Variants in ZNF469 observed in about 807,000 individuals in gnomAD.
The protein encoded by ZNF469 is zinc finger protein 469.
ZNF469 carries 1 observed loss-of-function variant against 1.0 expected under a neutral mutation model. The ratio of observed to expected loss-of-function variants is 1.00; its 90% CI spans 0.35 to 4.73. The LOEUF is 4.73. ZNF469 is among the 30% of genes most tolerant of loss of function. ZNF469 has a pLI of 0.16. For synonymous variants in ZNF469, 2,703 were observed against 2,363.4 expected, an observed-to-expected ratio of 1.14 and a Z score of -4.17; for missense variants, 6,100 against 5,356.3, an observed-to-expected ratio of 1.14 and a Z score of -4.33.
At chr16:88,403,940 T>A (rs1247487047) in intron 1 of ZNF469, among the ~76,000 whole-genome samples, 1 of 152,166 alleles carries the variant, frequency 6.6e-6, no homozygotes, top group African/African-American at 2.4e-5. Context: ...AGCTCAGCTC[T>A]GTGGCTTCGG....
chr16:88,208,872 G>C, the ZNF469 span, among the ~76,000 whole-genome samples: 1 of 149,288 alleles, frequency 6.7e-6, no homozygotes, highest in Non-Finnish European at 1.5e-5. Context: ...GATGCCTCCA[G>C]TTCCAACCTG....
chr16:88,192,164 C>G, the ZNF469 span: 1 of 152,184 alleles, frequency 6.6e-6, no homozygotes, highest in Non-Finnish European at 1.5e-5. Flanking sequence ...TTCCAGCCTC[C>G]AGAACTATGA....
the ZNF469 span, among the ~76,000 whole-genome samples, chr16:88,160,108 G>T: frequency 6.6e-6 from 1 of 152,074 alleles, no homozygotes; most frequent in Non-Finnish European, 1.5e-5. Context: ...GCTTTCATCA[G>T]TCCCACAGAA....
chr16:88,245,852 G>A, the ZNF469 span, among the ~76,000 whole-genome samples: 181 of 152,400 alleles, frequency 1.2e-3, 1 homozygote, highest in South Asian at 0.032. Flanking sequence ...GACATTGAGC[G>A]TGCCTGGTGT....
chr16:88,108,366 G>A, the ZNF469 span, among the ~76,000 whole-genome samples: 109 of 152,282 alleles, frequency 7.2e-4, no homozygotes, highest in African/African-American at 2.6e-3. Flanking sequence ...CTGGCTGCTG[G>A]TGCAGCCCAT....
chr16:88,114,562 G>A, the ZNF469 span, among the ~76,000 whole-genome samples: 1 of 152,220 alleles, frequency 6.6e-6, no homozygotes, highest in African/African-American at 2.4e-5. Context: ...GTGCCCAGCT[G>A]ACTTCCCAGG....
chr16:88,115,790 G>GCC, the ZNF469 span, among the ~76,000 whole-genome samples: 1 of 152,092 alleles, frequency 6.6e-6, no homozygotes, highest in African/African-American at 2.4e-5. Context: ...GGTCCTTCTA[G>GCC]CTGTATTCCT....
At chr16:88,164,785 C>A in the ZNF469 span, among the ~76,000 whole-genome samples, 49 of 152,222 alleles carry the variant, frequency 3.2e-4, no homozygotes, top group African/African-American at 1.0e-3. Context: ...AGCAGCTGGG[C>A]CTTGGGTTTC....
chr16:88,413,969 G>A (rs1905241950), intron 1 of ZNF469, among the ~76,000 whole-genome samples: 1 of 152,150 alleles, frequency 6.6e-6, no homozygotes, highest in Admixed American at 6.5e-5. Flanking sequence ...TGAGGAGAAG[G>A]GCCCTGCTGC....
chr16:88,160,177 A>G, the ZNF469 span, among the ~76,000 whole-genome samples: 1 of 152,190 alleles, frequency 6.6e-6, no homozygotes, highest in African/African-American at 2.4e-5. Flanking sequence ...TGCGACAAGG[A>G]AGGAGACTGG....
At chr16:88,409,008 C>G (rs1462095335) in intron 1 of ZNF469, among the ~76,000 whole-genome samples, 1 of 152,214 alleles carries the variant, frequency 6.6e-6, no homozygotes, top group Non-Finnish European at 1.5e-5. Flanking sequence ...GAAGGTCAGC[C>G]CAGCAGGGGG....
At chr16:88,397,990 A>G (rs1904739459) in intron 1 of ZNF469, among the ~76,000 whole-genome samples, 1 of 152,160 alleles carries the variant, frequency 6.6e-6, no homozygotes, top group South Asian at 2.1e-4. Context: ...GGCACAGGAG[A>G]TGGTGCAGGT....
the ZNF469 span, among the ~76,000 whole-genome samples, chr16:88,118,079 A>C: frequency 0.01 from 1,597 of 152,316 alleles, 30 homozygotes; most frequent in African/African-American, 0.035. Flanking sequence ...AGTAGCTGGG[A>C]CTACAGGCTC....
At chr16:88,119,671 T>A in the ZNF469 span, among the ~76,000 whole-genome samples, 1 of 152,046 alleles carries the variant, frequency 6.6e-6, no homozygotes, top group African/African-American at 2.4e-5. Context: ...GCCGTTTGGG[T>A]GGATGCTGGC....
chr16:88,333,040 T>G, the ZNF469 span, among the ~76,000 whole-genome samples: 1 of 152,200 alleles, frequency 6.6e-6, no homozygotes, highest in Non-Finnish European at 1.5e-5. Flanking sequence ...CCGTGGGTCC[T>G]TGTGCTGCTG....
the ZNF469 span, chr16:88,195,268 G>A: frequency 1.4e-4 from 21 of 152,332 alleles, no homozygotes; most frequent in African/African-American, 5.1e-4. Flanking sequence ...CCAGCCTGGA[G>A]AGCTAAAAGC....
At chr16:88,360,122 G>A in the ZNF469 span, among the ~76,000 whole-genome samples, 1 of 152,106 alleles carries the variant, frequency 6.6e-6, no homozygotes, top group African/African-American at 2.4e-5. Context: ...CCAAAGTGCT[G>A]GGATTACAGG....
At chr16:88,177,494 A>C in the ZNF469 span, 1 of 152,166 alleles carries the variant, frequency 6.6e-6, no homozygotes, top group East Asian at 1.9e-4. This position sits in a 1 kb window ranked among gnomAD's most constrained non-coding sequence, Gnocchi z 4.8. Context: ...TTCTAAAGTT[A>C]CTCGGAAAGA....
chr16:88,297,077 G>C, the ZNF469 span, among the ~76,000 whole-genome samples: 2 of 152,244 alleles, frequency 1.3e-5, no homozygotes, highest in Non-Finnish European at 2.9e-5. Context: ...CAGACATCCA[G>C]TAAGCAGCCA....
Sources: gnomAD v4.1 joint callset for allele counts (sites outside exome capture counted in the v4.1 genomes callset) on GRCh38, gnomAD v4.1.1 for gene constraint, Gnocchi (gnomAD v3.1) non-coding constraint, MANE v1.5 for transcripts, NCBI Gene and HGNC (gene_info 2026-07-23, HGNC 2026-07-21) for gene names.